The following FGF18 variants were observed in gnomAD, a reference collection of about 807,000 sequenced individuals.
FGF18 encodes fibroblast growth factor 18.
FGF18 carries 5 observed loss-of-function variants against 23.0 expected under a neutral mutation model. That is an observed-to-expected ratio of 0.22 (90% CI 0.11 to 0.46). The LOEUF (loss-of-function observed/expected upper bound fraction) is 0.46, where lower values mean the gene tolerates loss of function less well. Ranked by LOEUF, FGF18 falls within the 20% of genes least tolerant of loss-of-function variation. The pLI, the probability that FGF18 is intolerant of heterozygous loss-of-function variation, is 0.99. For missense variants in FGF18, 180 were observed against 291.6 expected, an observed-to-expected ratio of 0.62 and a Z score of 2.79; for synonymous variants, 117 against 118.9, an observed-to-expected ratio of 0.98 and a Z score of 0.10.
chr5:171,445,446 C>T (rs1331395649), intron 3 of FGF18, among the ~76,000 whole-genome samples: 1 of 152,124 alleles, frequency 6.6e-6, no homozygotes, highest in Non-Finnish European at 1.5e-5. Flanking sequence ...GCAAACTCTG[C>T]CTCCTGGGTT....
intron 2 of FGF18, among the ~76,000 whole-genome samples, chr5:171,428,471 G>A (rs1266745563): frequency 6.6e-6 from 1 of 152,208 alleles, no homozygotes; most frequent in Admixed American, 6.5e-5. Context: ...CTGGGTAGAT[G>A]TTTCACGTAG....
intron 2 of FGF18, among the ~76,000 whole-genome samples, chr5:171,430,970 T>C (rs1231955713): frequency 6.6e-6 from 1 of 152,112 alleles, no homozygotes; most frequent in Non-Finnish European, 1.5e-5. Context: ...GGTCAGCCAG[T>C]GCTGGTTCCT....
rs1181080978 is a variant in FGF18 at position 171,426,109 on chromosome 5, AC to A, written c.69+5667del. ...CCTGGGTCTCAGCTTCTGCATGTGT[AC>A]AATGGGAAAAAACAACCAAAGAAAT... On this transcript the variant is annotated intron_variant, in intron 2 of 4. Transcript: ENST00000274625. 4.6e-5 allele frequency among the ~76,000 whole-genome samples: 7 copies of A among 152,280 alleles called. No individual in the cohort carries two copies. The East Asian group carries it at 1.4e-3, about 29-fold the overall frequency.
intron 4 of FGF18, among the ~76,000 whole-genome samples, chr5:171,450,589 C>T (rs1460197667): frequency 6.6e-6 from 1 of 152,252 alleles, no homozygotes; most frequent in African/African-American, 2.4e-5. Flanking sequence ...GCACTGCCCA[C>T]ACCAACTGAG....
At position 171,436,456 on chromosome 5, in the gene FGF18, A is replaced by G. The variant is rs1233311617; in HGVS notation, c.250+183A>G. On this transcript the variant is annotated intron_variant, in intron 3 of 4. Transcript: ENST00000274625. The surrounding 1 kb of genome is among the most constrained non-coding windows in gnomAD (Gnocchi z 4.4). ...GGGGATGCAATAGTGAATCCTTGAGAGCATTGTCAGGAGTACTAACTGAAG... is the reference window on the plus strand; with the variant it reads ...GGGGATGCAATAGTGAATCCTTGAGGGCATTGTCAGGAGTACTAACTGAAG... Among the ~76,000 whole-genome samples the G allele has an allele frequency of 1.3e-5, 2 of 152,148 alleles. No homozygotes were observed. The highest frequency in any genetic ancestry group is 2.9e-5 in the Non-Finnish European group (2 of 68,046).
intron 4 of FGF18, among the ~76,000 whole-genome samples, chr5:171,449,588 G>C (rs1443383310): frequency 1.3e-5 from 2 of 151,846 alleles, no homozygotes; most frequent in African/African-American, 4.8e-5. Context: ...ATCCTTGAGG[G>C]GCTCTGGGGC....
chr5:171,421,888 G>T (rs1233553970), intron 2 of FGF18, among the ~76,000 whole-genome samples: 1 of 151,474 alleles, frequency 6.6e-6, no homozygotes, highest in Non-Finnish European at 1.5e-5. Context: ...GGGGGTGGGG[G>T]TGGGGAACGG....
chr5:171,448,748 G>A (rs1371257806), intron 3 of FGF18, among the ~76,000 whole-genome samples: 1 of 152,010 alleles, frequency 6.6e-6, no homozygotes, highest in Non-Finnish European at 1.5e-5. Flanking sequence ...TGGGTTTTTT[G>A]CACGGTTCTT....
rs1772504886 is a variant in FGF18, at chr5:171,451,335, A to G, written c.357+2082A>G. On this transcript the variant is annotated intron_variant, in intron 4 of 4. Coordinates refer to ENST00000274625, the MANE Select transcript of FGF18 (RefSeq NM_003862.3). This position sits in a 1 kb window ranked among gnomAD's most constrained non-coding sequence, Gnocchi z 4.5. ...GGGACTCGAGGACGCCACCAAATCCACCTGTCCAGGCTTGACCTCTGCCCC... is the reference window on the plus strand; with the variant it reads ...GGGACTCGAGGACGCCACCAAATCCGCCTGTCCAGGCTTGACCTCTGCCCC... 6.6e-6 allele frequency among the ~76,000 whole-genome samples: 1 copy of G among 150,556 alleles called. No homozygotes were observed. Among genetic ancestry groups the G allele is most frequent in the Non-Finnish European group, 1.5e-5 (1 of 67,604 alleles).
At chr5:171,444,310 G>T (rs548903918) in intron 3 of FGF18, among the ~76,000 whole-genome samples, 1 of 152,292 alleles carries the variant, frequency 6.6e-6, no homozygotes, top group Admixed American at 6.5e-5. Context: ...AAGACTTCTG[G>T]GTCAGACTGC....
At chr5:171,439,385 G>A (rs1187254990) in intron 3 of FGF18, among the ~76,000 whole-genome samples, 1 of 152,230 alleles carries the variant, frequency 6.6e-6, no homozygotes, top group Non-Finnish European at 1.5e-5. Context: ...GGAGAGCACA[G>A]CTGGCCAGAG....
Position 171,436,035 on chromosome 5 carries a change from T to C in FGF18, c.70-58T>C. The stretch of plus-strand genomic sequence containing the variant: ...CTTTGTGGTGGACGTGGCTGGCTCC[T>C]GCATGCAGTGGGCCTGGGACATCTG... On this transcript the variant is annotated intron_variant, in intron 2 of 4. Transcript: ENST00000274625. The surrounding 1 kb of genome is among the most constrained non-coding windows in gnomAD (Gnocchi z 4.4). The C allele has an allele frequency of 7.3e-7, 1 of 1,378,838 alleles. No homozygotes were observed. The highest frequency in any genetic ancestry group is 9.5e-7 in the Non-Finnish European group (1 of 1,048,454). 85.4% of individuals were successfully genotyped at this position (1,378,838 alleles called of 1,614,324 possible).
chr5:171,440,477 C>T lies in FGF18; in HGVS notation c.250+4204C>T, dbSNP rs142969271. 4.4e-3 allele frequency among the ~76,000 whole-genome samples: 667 copies of T among 152,182 alleles called. 3 individuals carry two copies. The highest frequency in any genetic ancestry group is 0.015 in the African/African-American group (628 of 41,496). The stretch of plus-strand genomic sequence containing the variant: ...TCCCCTCAGTCCCTTATTCATTCAA[C>T]GTAAATTACCAAGCCCAAGCACCAG... On this transcript the variant is annotated intron_variant, in intron 3 of 4. Coordinates refer to ENST00000274625, the MANE Select transcript of FGF18 (RefSeq NM_003862.3). This position sits in a 1 kb window ranked among gnomAD's most constrained non-coding sequence, Gnocchi z 4.0.
intron 3 of FGF18, among the ~76,000 whole-genome samples, chr5:171,446,387 C>T (rs1049742495): frequency 3.6e-4 from 55 of 152,234 alleles, no homozygotes; most frequent in African/African-American, 1.3e-3. Context: ...CCCCTGGAGC[C>T]CAGGCCCCAG....
At chr5:171,425,366 G>T (rs547994149) in intron 2 of FGF18, among the ~76,000 whole-genome samples, 68 of 151,282 alleles carry the variant, frequency 4.5e-4, no homozygotes, top group African/African-American at 1.7e-3. Context: ...GCCTCAGCCT[G>T]CATGCCACCA....
chr5:171,450,758 C>T (rs1226995862), intron 4 of FGF18, among the ~76,000 whole-genome samples: 2 of 152,074 alleles, frequency 1.3e-5, no homozygotes, highest in African/African-American at 4.8e-5. Context: ...GCGCGGGCGC[C>T]GGGTCCCCCT....
chr5:171,424,956 G>C (rs1772069426), intron 2 of FGF18, among the ~76,000 whole-genome samples: 1 of 152,180 alleles, frequency 6.6e-6, no homozygotes, highest in African/African-American at 2.4e-5. Context: ...AATTTCTTGT[G>C]GTTGGCACGG....
rs544401099 is a variant in FGF18 at position 171,446,330 on chromosome 5, G to C, written c.251-2817G>C. Among the ~76,000 whole-genome samples, 4 of 152,260 alleles carry C rather than the reference G, an allele frequency of 2.6e-5. No individual in the cohort carries two copies. The East Asian group carries it at 7.8e-4, about 30-fold the overall frequency. ...CTGCGGTGGCCCTGGCTGGTGAGGG[G>C]TGGGGGTTGTGCTGGGAGGCCTGTC... On this transcript the variant is annotated intron_variant, in intron 3 of 4. Coordinates refer to ENST00000274625, the MANE Select transcript of FGF18 (RefSeq NM_003862.3).
intron 4 of FGF18, among the ~76,000 whole-genome samples, chr5:171,455,876 G>T (rs543350385): frequency 2.0e-5 from 3 of 152,258 alleles, no homozygotes; most frequent in African/African-American, 7.2e-5. Context: ...GTGGAGAGTG[G>T]GGAAGGAATA....
Sources: gnomAD v4.1 joint callset for allele counts (sites outside exome capture counted in the v4.1 genomes callset) on GRCh38, gnomAD v4.1.1 for gene constraint, Gnocchi (gnomAD v3.1) non-coding constraint, MANE v1.5 for transcripts, NCBI Gene and HGNC (gene_info 2026-07-23, HGNC 2026-07-21) for gene names.